Variants in CADM2 observed in about 807,000 individuals in gnomAD.
CADM2 encodes the protein immunoglobulin superfamily member 4D.
Under a neutral mutation model 49.8 loss-of-function variants are expected in CADM2, and 12 were observed. The ratio of observed to expected loss-of-function variants is 0.24; its 90% CI spans 0.15 to 0.39. The LOEUF is 0.39. Ranked by LOEUF, CADM2 falls within the 10% of genes least tolerant of loss-of-function variation. The pLI, the probability that CADM2 is intolerant of heterozygous loss-of-function variation, is 1.00. For synonymous variants in CADM2, 214 were observed against 175.4 expected, an observed-to-expected ratio of 1.22 and a Z score of -1.74; for missense variants, 378 against 492.3, an observed-to-expected ratio of 0.77 and a Z score of 2.20.
chr3:85,814,499 A>G (rs982532257), intron 3 of CADM2, among the ~76,000 whole-genome samples: 1 of 152,152 alleles, frequency 6.6e-6, no homozygotes, highest in Non-Finnish European at 1.5e-5. Flanking sequence ...AAACTAGCAG[A>G]AGACAAAAAA....
rs544826561 is a variant in CADM2 at position 85,430,697 on chromosome 3, G to T, written c.62-295825G>T. Among the ~76,000 whole-genome samples, 68 of 145,100 alleles carry T rather than the reference G, an allele frequency of 4.7e-4. 1 individual carries two copies. Among genetic ancestry groups the T allele is most frequent in the Middle Eastern group, 3.6e-3 (1 of 274 alleles). On this transcript the variant is annotated intron_variant, in intron 1 of 9. Transcript: ENST00000383699. ...AAGACAGAGAAAAGAAACAAAGAGG[G>T]GTGGGGGCATGGGAGAGATAGTAAC... is the stretch of plus-strand genomic sequence containing the variant.
intron 1 of CADM2, among the ~76,000 whole-genome samples, chr3:85,481,876 T>C (rs2107628596): frequency 6.6e-6 from 1 of 151,646 alleles, no homozygotes; most frequent in African/African-American, 2.4e-5. Context: ...CTATTGATGT[T>C]ATTCGTGTTC....
chr3:85,787,953 G>A (rs2071093116), intron 2 of CADM2, among the ~76,000 whole-genome samples: 1 of 152,070 alleles, frequency 6.6e-6, no homozygotes, highest in Non-Finnish European at 1.5e-5. Context: ...TTTTGCATTA[G>A]CTGATTTACT....
rs2107444143 is a variant in CADM2, at chr3:86,066,903, G to T, written c.*120G>T. 4 of 699,828 alleles carry T rather than the reference G, an allele frequency of 5.7e-6. No homozygotes were observed. Among genetic ancestry groups the T allele is most frequent in the East Asian group, 5.0e-5 (2 of 40,276 alleles). The allele number at this position is 699,828 out of a possible 1,614,324, so 43.4% of individuals were successfully genotyped here. On this transcript the variant is annotated 3_prime_UTR_variant, in exon 10 of 10. Coordinates refer to ENST00000383699, the MANE Select transcript of CADM2 (RefSeq NM_001167675.2). ...CCCTTATTAACTCCCATACTGTACT[G>T]CTATCAGTAGCCAGTGTATACCAAC... is the stretch of plus-strand genomic sequence containing the variant.
intron 1 of CADM2, among the ~76,000 whole-genome samples, chr3:85,428,382 T>C (rs1043838736): frequency 4.1e-5 from 6 of 146,006 alleles, no homozygotes; most frequent in Non-Finnish European, 9.0e-5. Flanking sequence ...ATATATTATA[T>C]TTATTTTATA....
In CADM2 at chr3:85,761,367, C is replaced by CTT. The variant is rs529447125; in HGVS notation, c.88+34841_88+34842dup. Among the ~76,000 whole-genome samples the CTT allele has an allele frequency of 7.8e-3, 792 of 100,996 alleles. 5 individuals are homozygous for CTT. Among genetic ancestry groups the CTT allele is most frequent in the East Asian group, 0.03 (104 of 3,450 alleles). The allele number at this position is 100,996 out of a possible 152,430, so 66.3% of individuals were successfully genotyped here. ...AAAACTGTTGATATACAACACAAAA[C>CTT]TTTTTTTTTTTTTTTTTTTTTTTGG... is the stretch of plus-strand genomic sequence containing the variant. On this transcript the variant is annotated intron_variant, in intron 2 of 9. Coordinates refer to ENST00000383699, the MANE Select transcript of CADM2 (RefSeq NM_001167675.2).
intron 5 of CADM2, among the ~76,000 whole-genome samples, chr3:85,891,300 A>C (rs1005353166): frequency 2.0e-5 from 3 of 152,174 alleles, no homozygotes; most frequent in Non-Finnish European, 4.4e-5. Flanking sequence ...TTCCATGTAT[A>C]AGTTTAGTTC....
At chr3:85,838,562 C>CT (rs906010176) in intron 3 of CADM2, among the ~76,000 whole-genome samples, 18 of 151,796 alleles carry the variant, frequency 1.2e-4, no homozygotes, top group Middle Eastern at 3.4e-3. Flanking sequence ...TTATAATATA[C>CT]TTTTTTGGAG....
At chr3:84,990,611 T>C (rs2032832554) in intron 1 of CADM2, among the ~76,000 whole-genome samples, 1 of 152,092 alleles carries the variant, frequency 6.6e-6, no homozygotes, top group South Asian at 2.1e-4. Flanking sequence ...TTTACAGTAC[T>C]AAATTAAAAT....
At chr3:85,808,371 G>A (rs1420738111) in intron 3 of CADM2, among the ~76,000 whole-genome samples, 5 of 152,046 alleles carry the variant, frequency 3.3e-5, no homozygotes, top group Non-Finnish European at 7.4e-5. Flanking sequence ...AATAGAGTGG[G>A]TATAGGGAGA....
chr3:85,763,072 G>C (rs2069471634), intron 2 of CADM2, among the ~76,000 whole-genome samples: 1 of 151,972 alleles, frequency 6.6e-6, no homozygotes, highest in African/African-American at 2.4e-5. Flanking sequence ...TTCCTGATAA[G>C]ACAATGAGTT....
chr3:85,972,053 G>A (rs1726219960), intron 8 of CADM2, among the ~76,000 whole-genome samples: 1 of 151,566 alleles, frequency 6.6e-6, no homozygotes, highest in South Asian at 2.1e-4. Context: ...TGACTGTTGA[G>A]GAGGAGGCGT....
intron 1 of CADM2, among the ~76,000 whole-genome samples, chr3:85,570,339 A>G (rs893818987): frequency 2.6e-5 from 4 of 152,114 alleles, no homozygotes; most frequent in African/African-American, 7.2e-5. Context: ...AGCACCAAAT[A>G]TTACAGAGGA....
chr3:85,292,297 G>C (rs887187595), intron 1 of CADM2, among the ~76,000 whole-genome samples: 1 of 149,902 alleles, frequency 6.7e-6, no homozygotes, highest in Non-Finnish European at 1.5e-5. Context: ...AGCAAGTCCT[G>C]AGTGACCTAC....
At chr3:86,045,612 T>A (rs989440725) in intron 8 of CADM2, among the ~76,000 whole-genome samples, 13 of 152,164 alleles carry the variant, frequency 8.5e-5, no homozygotes, top group Non-Finnish European at 1.0e-4. Flanking sequence ...TTTCCACCCA[T>A]CTATCAGAAA....
chr3:85,675,049 A>AT (rs2065852892), intron 1 of CADM2, among the ~76,000 whole-genome samples: 2 of 152,152 alleles, frequency 1.3e-5, no homozygotes. Flanking sequence ...TAACATTTGT[A>AT]TTATGAAGTA....
At chr3:85,873,102 G>C (rs1490879809) in intron 3 of CADM2, among the ~76,000 whole-genome samples, 1 of 152,060 alleles carries the variant, frequency 6.6e-6, no homozygotes, top group Non-Finnish European at 1.5e-5. Flanking sequence ...AAACTTCTTT[G>C]TTAAAGTCAT....
At chr3:85,317,751 G>T (rs1054977457) in intron 1 of CADM2, among the ~76,000 whole-genome samples, 1 of 152,142 alleles carries the variant, frequency 6.6e-6, no homozygotes. Context: ...CAACACTATT[G>T]CATTGAGGAT....
At chr3:85,922,412 CT>C (rs780563913) in intron 6 of CADM2, among the ~76,000 whole-genome samples, 2 of 151,148 alleles carry the variant, frequency 1.3e-5, no homozygotes, top group South Asian at 2.1e-4. Flanking sequence ...TACTCTAAGT[CT>C]TTTTTTTAAT....
Sources: allele counts gnomAD v4.1 joint callset (sites outside exome capture counted in the v4.1 genomes callset), GRCh38; gene constraint gnomAD v4.1.1; transcripts MANE v1.5; gene names NCBI Gene and HGNC (gene_info 2026-07-23, HGNC 2026-07-21).